Variants in PIEZO2 observed in about 807,000 individuals in gnomAD.
The protein encoded by PIEZO2 is piezo-type mechanosensitive ion channel component 2.
Under a neutral mutation model 337.3 loss-of-function variants are expected in PIEZO2, and 172 were observed. The observed-to-expected ratio is 0.51, with a 90% CI of 0.45 to 0.58. The LOEUF (loss-of-function observed/expected upper bound fraction) is 0.58, where lower values mean the gene tolerates loss of function less well. PIEZO2 is among the 20% of genes least tolerant of loss of function. The probability of loss-of-function intolerance (pLI) is 0.00; values close to 1 mark genes in which losing one functional copy is unlikely to be tolerated. For synonymous variants in PIEZO2, 1,251 were observed against 1,228.5 expected (o/e 1.02, Z -0.38); for missense variants, 3,028 against 3,391.3 (o/e 0.89, Z 2.66).
At chr18:11,052,861 T>C (rs2037581019) in intron 2 of PIEZO2, among the ~76,000 whole-genome samples, 1 of 152,238 alleles carries the variant, frequency 6.6e-6, no homozygotes, top group Non-Finnish European at 1.5e-5. Flanking sequence ...CCCTTAAGCA[T>C]ACTCACATTA....
intron 2 of PIEZO2, among the ~76,000 whole-genome samples, chr18:10,999,230 A>G (rs984603139): frequency 5.9e-5 from 9 of 151,576 alleles, no homozygotes; most frequent in Non-Finnish European, 4.4e-5. Context: ...AATGTATTGG[A>G]TACCAAATCT....
Position 10,753,099 on chromosome 18 carries a change from T to C in PIEZO2, c.3924-220A>G, listed in dbSNP as rs1008439587. Reference sequence around the variant, plus strand: ...ACCGTGTATGCTTCTCGTCACCTTATTCAGGCCAAATTTCTCACAAACAAC... The same window carrying C: ...ACCGTGTATGCTTCTCGTCACCTTACTCAGGCCAAATTTCTCACAAACAAC... On this transcript the variant is annotated intron_variant, in intron 27 of 55. Transcript: ENST00000674853. Among the ~76,000 whole-genome samples, 59 of 152,300 alleles carry C rather than the reference T, an allele frequency of 3.9e-4. 1 individual carries two copies. The highest frequency in any genetic ancestry group is 1.4e-3 in the African/African-American group (57 of 41,560).
Position 11,142,214 on chromosome 18 carries a change from T to A in PIEZO2, c.64+6311A>T, listed in dbSNP as rs1019915238. ...GGTAACTGTTACATATATTTTCTTTTAAAAACCCAACAACACATTGAAAAA... is the reference window on the plus strand; with the variant it reads ...GGTAACTGTTACATATATTTTCTTTAAAAAACCCAACAACACATTGAAAAA... On this transcript the variant is annotated intron_variant, in intron 1 of 55. Coordinates refer to ENST00000674853, the MANE Select transcript of PIEZO2 (RefSeq NM_001378183.1). Among the ~76,000 whole-genome samples, 3 of 152,236 alleles carry A rather than the reference T, an allele frequency of 2.0e-5. No individual in the cohort carries two copies. The South Asian group carries it at 6.2e-4, about 32-fold the overall frequency.
chr18:10,945,329 G>A lies in PIEZO2; in HGVS notation c.287-34101C>T, dbSNP rs116218084. Among the ~76,000 whole-genome samples, 1,424 of 152,228 alleles carry A rather than the reference G, an allele frequency of 9.4e-3. 17 individuals are homozygous for A. Among genetic ancestry groups the A allele is most frequent in the African/African-American group, 0.032 (1,318 of 41,534 alleles). On this transcript the variant is annotated intron_variant, in intron 3 of 55. Transcript: ENST00000674853. The surrounding 1 kb of genome is among the most constrained non-coding windows in gnomAD (Gnocchi z 4.0). The stretch of plus-strand genomic sequence containing the variant: ...CAAAGTGCTGGGATTACAGATGTGA[G>A]CCACTGCACCTGGCTGAAACTCTCT...
At chr18:10,732,612 CAA>C in intron 35 of PIEZO2, among the ~76,000 whole-genome samples, 1 of 152,134 alleles carries the variant, frequency 6.6e-6, no homozygotes. Flanking sequence ...GAAATTAAAA[CAA>C]ATGCAACATC....
At chr18:10,858,300 C>A (rs1490460023) in intron 5 of PIEZO2, among the ~76,000 whole-genome samples, 1 of 114,554 alleles carries the variant, frequency 8.7e-6, no homozygotes, top group African/African-American at 3.3e-5. Context: ...TCCAGCCTGG[C>A]GACAGAGCGA....
intron 1 of PIEZO2, among the ~76,000 whole-genome samples, chr18:11,086,443 C>T (rs887005259): frequency 2.6e-5 from 4 of 150,990 alleles, no homozygotes; most frequent in South Asian, 2.1e-4. Context: ...GGCCTGAACC[C>T]GGGAGGCGGA....
At position 11,111,388 on chromosome 18, in the gene PIEZO2, C is replaced by T. The variant is rs1056310401; in HGVS notation, c.64+37137G>A. 2.0e-5 allele frequency among the ~76,000 whole-genome samples: 3 copies of T among 152,240 alleles called. No homozygotes were observed. Among genetic ancestry groups the T allele is most frequent in the African/African-American group, 7.2e-5 (3 of 41,472 alleles). ...AACCAAGTCCTGAACCAATGTAAGA[C>T]TTTTCATAAAAACCTAGATTTCCAA... On this transcript the variant is annotated intron_variant, in intron 1 of 55. Transcript: ENST00000674853. The surrounding 1 kb of genome is among the most constrained non-coding windows in gnomAD (Gnocchi z 6.2).
At chr18:11,055,088 G>A (rs2037674500) in intron 2 of PIEZO2, among the ~76,000 whole-genome samples, 1 of 151,732 alleles carries the variant, frequency 6.6e-6, no homozygotes, top group South Asian at 2.1e-4. Context: ...GCAGGCGCCT[G>A]TAGTCCCAGC....
chr18:10,930,197 C>G (rs1361174670), intron 3 of PIEZO2, among the ~76,000 whole-genome samples: 1 of 152,198 alleles, frequency 6.6e-6, no homozygotes, highest in Non-Finnish European at 1.5e-5. Context: ...TAGAAAATCT[C>G]CTTTCCTTAC....
chr18:10,691,453 A>G lies in PIEZO2; in HGVS notation c.7191-70T>C, dbSNP rs1405525526. 3.3e-6 allele frequency: 5 copies of G among 1,493,546 alleles called. No homozygotes were observed. The African/African-American group carries it at 4.2e-5, about 12-fold the overall frequency. 92.5% of individuals were successfully genotyped at this position (1,493,546 alleles called of 1,614,324 possible). ...TGAAACAAAAGGATGGCAGTGTCAA[A>G]TTAAAACAACAGGCCAACAGAATTT... On this transcript the variant is annotated intron_variant, in intron 47 of 55. Transcript: ENST00000674853.
rs2040859219 is a variant in PIEZO2 at position 11,148,301 on chromosome 18, C to A, written c.64+224G>T. 6.6e-6 allele frequency among the ~76,000 whole-genome samples: 1 copy of A among 152,228 alleles called. No homozygotes were observed. Among genetic ancestry groups the A allele is most frequent in the Non-Finnish European group, 1.5e-5 (1 of 68,044 alleles). ...TAAATTCAACATAAACAGTTTCCAG[C>A]ACATGCCCGTCCCGAGCATCCTGTT... On this transcript the variant is annotated intron_variant, in intron 1 of 55. Transcript: ENST00000674853. The surrounding 1 kb of genome is among the most constrained non-coding windows in gnomAD (Gnocchi z 5.2).
chr18:10,719,623 C>T (rs2036171073), intron 36 of PIEZO2, among the ~76,000 whole-genome samples: 2 of 152,126 alleles, frequency 1.3e-5, no homozygotes, highest in African/African-American at 4.8e-5. Flanking sequence ...AGGTTGATTA[C>T]ATATTTATGC....
In PIEZO2 at chr18:11,085,102, G is replaced by A. The variant is rs569622247; in HGVS notation, c.65-18880C>T. Among the ~76,000 whole-genome samples, 13 of 152,278 alleles carry A rather than the reference G, an allele frequency of 8.5e-5. No individual in the cohort carries two copies. The South Asian group carries it at 2.5e-3, about 29-fold the overall frequency. The stretch of plus-strand genomic sequence containing the variant: ...TTTTCACAAAGTTCCACAAGGTATT[G>A]TCATTTTTGTTTTCAAGATGAACAT... On this transcript the variant is annotated intron_variant, in intron 1 of 55. Transcript: ENST00000674853.
intron 47 of PIEZO2, among the ~76,000 whole-genome samples, chr18:10,694,157 T>C (rs1211282551): frequency 1.3e-5 from 2 of 151,880 alleles, no homozygotes; most frequent in African/African-American, 4.8e-5. Context: ...CCATTTATTA[T>C]TATAAAGCAA....
chr18:10,808,810 T>C (rs780741441), intron 7 of PIEZO2, among the ~76,000 whole-genome samples: 3 of 152,210 alleles, frequency 2.0e-5, no homozygotes, highest in Non-Finnish European at 4.4e-5. Context: ...TACACAGAAC[T>C]GAAAGCTTTT....
chr18:11,015,156 A>G (rs867206206), intron 2 of PIEZO2, among the ~76,000 whole-genome samples: 14 of 68,094 alleles, frequency 2.1e-4, no homozygotes, highest in Middle Eastern at 0.019. Flanking sequence ...GCGATCCATG[A>G]CCCCCTCATT....
Position 10,689,682 on chromosome 18 carries a change from G to A in PIEZO2, c.7470C>T (p.Ile2490=), listed in dbSNP as rs376771517. Residue 2490 remains isoleucine, a synonymous_variant, in exon 49 of 56, where the codon ATC becomes ATT. Transcript: ENST00000674853. ...CVEDIYAHIF[I]LKCWRESEKR... ...TCTCCGACTCCCGCCAACACTTCAG[G>A]ATGAATATGTGAGCATAGATGTCCT... The A allele has an allele frequency of 4.3e-6, 7 of 1,614,090 alleles. No individual in the cohort carries two copies. The African/African-American group carries it at 9.3e-5, about 22-fold the overall frequency.
chr18:10,796,651 T>A (rs1231593027), intron 12 of PIEZO2, among the ~76,000 whole-genome samples: 1 of 152,180 alleles, frequency 6.6e-6, no homozygotes, highest in Non-Finnish European at 1.5e-5. Flanking sequence ...AGTATAAATA[T>A]CCCATGAAAA....
Sources: allele counts gnomAD v4.1 joint callset (sites outside exome capture counted in the v4.1 genomes callset), GRCh38; gene constraint gnomAD v4.1.1; non-coding constraint Gnocchi (gnomAD v3.1); transcripts MANE v1.5; gene names NCBI Gene and HGNC (gene_info 2026-07-23, HGNC 2026-07-21).